Variants in OPCML observed in about 807,000 individuals in gnomAD.
OPCML encodes the protein opioid binding protein/cell adhesion molecule like, also known as opioid-binding protein/cell adhesion molecule.
OPCML carries 13 observed loss-of-function variants against 37.8 expected under a neutral mutation model. The ratio of observed to expected loss-of-function variants is 0.34; its 90% CI spans 0.22 to 0.55. OPCML has a LOEUF of 0.55. OPCML is among the 20% of genes least tolerant of loss of function. The probability of loss-of-function intolerance (pLI) is 0.91; values close to 1 mark genes in which losing one functional copy is unlikely to be tolerated. For synonymous variants in OPCML, 176 were observed against 168.8 expected, an observed-to-expected ratio of 1.04 and a Z score of -0.33; for missense variants, 341 against 435.6, an observed-to-expected ratio of 0.78 and a Z score of 1.93.
chr11:132,515,728 G>A (rs558968263), intron 4 of OPCML, among the ~76,000 whole-genome samples: 34 of 152,094 alleles, frequency 2.2e-4, no homozygotes, highest in Non-Finnish European at 4.1e-4. Flanking sequence ...TATTAACCAT[G>A]ATTACTACCT....
At chr11:133,297,174 T>C (rs1942651206) in intron 1 of OPCML, 1 of 151,860 alleles carries the variant, frequency 6.6e-6, no homozygotes, top group African/African-American at 2.4e-5. Flanking sequence ...AAAACAATAA[T>C]CAAATATCAC....
At chr11:132,538,744 T>C (rs2096347584) in intron 3 of OPCML, among the ~76,000 whole-genome samples, 1 of 152,182 alleles carries the variant, frequency 6.6e-6, no homozygotes, top group Non-Finnish European at 1.5e-5. Context: ...CCATTTCTCA[T>C]TACTTGCCCA....
chr11:132,899,815 G>C (rs1260290828), intron 2 of OPCML, among the ~76,000 whole-genome samples: 1 of 152,052 alleles, frequency 6.6e-6, no homozygotes, highest in African/African-American at 2.4e-5. Flanking sequence ...AAGAGGCAAG[G>C]CAAATAGGTT....
intron 3 of OPCML, among the ~76,000 whole-genome samples, chr11:132,566,088 A>G (rs75350524): frequency 0.026 from 4,018 of 152,358 alleles, 187 homozygotes; most frequent in African/African-American, 0.091. Flanking sequence ...ATTAACATCT[A>G]TTAAGCCCCC....
chr11:133,215,875 G>C (rs1400788932), intron 1 of OPCML, among the ~76,000 whole-genome samples: 1 of 152,188 alleles, frequency 6.6e-6, no homozygotes, highest in Non-Finnish European at 1.5e-5. Flanking sequence ...GAAGCTGGCT[G>C]CCCGCTTGAG....
At chr11:132,869,971 G>T (rs896562096) in intron 2 of OPCML, among the ~76,000 whole-genome samples, 2 of 152,154 alleles carry the variant, frequency 1.3e-5, no homozygotes, top group African/African-American at 4.8e-5. Context: ...CTATTTAAAT[G>T]AGTGTAGAAA....
At chr11:132,985,155 T>C (rs1017011441) in intron 1 of OPCML, among the ~76,000 whole-genome samples, 6 of 152,224 alleles carry the variant, frequency 3.9e-5, no homozygotes, top group African/African-American at 1.4e-4. Flanking sequence ...CTTATTGTTA[T>C]ATAACAAATT....
chr11:132,705,164 C>G (rs1305617976), intron 2 of OPCML, among the ~76,000 whole-genome samples: 1 of 152,082 alleles, frequency 6.6e-6, no homozygotes, highest in Non-Finnish European at 1.5e-5. Context: ...AATGTAATCC[C>G]CAGTGTTGGA....
intron 1 of OPCML, among the ~76,000 whole-genome samples, chr11:133,364,976 C>T (rs564006741): frequency 3.9e-5 from 6 of 152,072 alleles, no homozygotes; most frequent in Non-Finnish European, 7.4e-5. Context: ...AAGATTTTCA[C>T]ATGATCTGAC....
At chr11:133,333,977 A>G (rs1359355801) in intron 1 of OPCML, among the ~76,000 whole-genome samples, 2 of 152,256 alleles carry the variant, frequency 1.3e-5, no homozygotes, top group East Asian at 3.8e-4. Flanking sequence ...GCTGTTTATA[A>G]TAAGTTAAAA....
chr11:133,154,870 G>A (rs1487248513), intron 1 of OPCML, among the ~76,000 whole-genome samples: 1 of 152,164 alleles, frequency 6.6e-6, no homozygotes, highest in Non-Finnish European at 1.5e-5. Flanking sequence ...CGGAAGACAC[G>A]GCTCTGCATT....
chr11:132,640,130 CAT>C (rs1940763387), intron 3 of OPCML, among the ~76,000 whole-genome samples: 1 of 152,212 alleles, frequency 6.6e-6, no homozygotes, highest in African/African-American at 2.4e-5. Flanking sequence ...GCCCTGCCAG[CAT>C]TCCACAGACT....
intron 2 of OPCML, among the ~76,000 whole-genome samples, chr11:132,785,472 G>A (rs1414627310): frequency 6.6e-6 from 1 of 152,150 alleles, no homozygotes; most frequent in Non-Finnish European, 1.5e-5. Flanking sequence ...GATAAATGTT[G>A]CAGAAATATT....
chr11:133,132,816 G>A (rs1483151045), intron 1 of OPCML, among the ~76,000 whole-genome samples: 1 of 149,594 alleles, frequency 6.7e-6, no homozygotes, highest in Non-Finnish European at 1.5e-5. Flanking sequence ...CATCCACTGT[G>A]ATAGAAGCGA....
chr11:133,318,470 C>G (rs1943254893), intron 1 of OPCML, among the ~76,000 whole-genome samples: 1 of 148,014 alleles, frequency 6.8e-6, no homozygotes, highest in Non-Finnish European at 1.5e-5. Flanking sequence ...GCCATGACCC[C>G]TGCTGTTTCC....
At chr11:132,432,629 C>G (rs1050381588) in intron 7 of OPCML, among the ~76,000 whole-genome samples, 1 of 152,152 alleles carries the variant, frequency 6.6e-6, no homozygotes, top group Non-Finnish European at 1.5e-5. Context: ...CCTTTCCATC[C>G]CCACATATAT....
intron 2 of OPCML, among the ~76,000 whole-genome samples, chr11:132,836,568 AT>A (rs1354501685): frequency 1.3e-5 from 2 of 152,230 alleles, no homozygotes; most frequent in African/African-American, 4.8e-5. Context: ...TCATTGGATT[AT>A]GACAGCTCAA....
chr11:133,000,810 G>A (rs1946984415), intron 1 of OPCML, among the ~76,000 whole-genome samples: 1 of 152,176 alleles, frequency 6.6e-6, no homozygotes, highest in African/African-American at 2.4e-5. Context: ...TTGGAGGTGG[G>A]GCCTGGTGGG....
At position 133,234,990 on chromosome 11, in the gene OPCML, T is replaced by C. The variant is rs540394135; in HGVS notation, c.62-291980A>G. 4.6e-5 allele frequency among the ~76,000 whole-genome samples: 7 copies of C among 152,270 alleles called. No individual in the cohort carries two copies. The South Asian group carries it at 1.5e-3, about 32-fold the overall frequency. The stretch of plus-strand genomic sequence containing the variant: ...GGTGTGTTCCTCCCTAATGCCGTAT[T>C]AACTGCGGCTGCAGACATTTGTAGA... On this transcript the variant is annotated intron_variant, in intron 1 of 7. Transcript: ENST00000524381.
Sources: gnomAD v4.1 joint callset for allele counts (sites outside exome capture counted in the v4.1 genomes callset) on GRCh38, gnomAD v4.1.1 for gene constraint, MANE v1.5 for transcripts, NCBI Gene and HGNC (gene_info 2026-07-23, HGNC 2026-07-21) for gene names.